Variants in RBFOX2 observed in about 807,000 individuals in gnomAD.
The protein encoded by RBFOX2 is RNA binding fox-1 homolog 2, also known as RNA binding protein fox-1 homolog 2.
In RBFOX2, 10 loss-of-function variants were observed where a neutral mutation model predicts 49.1. The observed-to-expected ratio is 0.20, with a 90% CI of 0.13 to 0.35. The LOEUF is 0.35. Ranked by LOEUF, RBFOX2 falls within the 10% of genes least tolerant of loss-of-function variation. The pLI, the probability that RBFOX2 is intolerant of heterozygous loss-of-function variation, is 1.00. For synonymous variants in RBFOX2, 183 were observed against 187.4 expected (o/e 0.98, Z 0.19); for missense variants, 323 against 486.9 (o/e 0.66, Z 3.17).
At position 35,895,659 on chromosome 22, in the gene RBFOX2, A is replaced by G. The variant is rs1303371556; in HGVS notation, c.-34+43188T>C. ...GTCAAGTGGATCATGAGCTCGTAGC[A>G]TGGTACAGACACTTTACTCACCACG... On this transcript the variant is annotated intron_variant, in intron 1 of 13. Transcript: ENST00000359369. 2.0e-5 allele frequency among the ~76,000 whole-genome samples: 3 copies of G among 152,150 alleles called. No homozygotes were observed. The East Asian group carries it at 5.8e-4, about 29-fold the overall frequency.
chr22:36,012,101 C>T lies in RBFOX2; in HGVS notation c.186+16139G>A, dbSNP rs116017780. Among the ~76,000 whole-genome samples the T allele has an allele frequency of 3.6e-3, 548 of 152,248 alleles. 1 individual carries two copies. The highest frequency in any genetic ancestry group is 0.012 in the African/African-American group (482 of 41,564). ...GAGATGAAAAAAAGCCAAAAAACAA[C>T]GACAAACTATCATGCATACCACAAC... On this transcript the variant is annotated intron_variant, in intron 1 of 13. Coordinates refer to the RBFOX2 transcript ENST00000438146.
intron 9 of RBFOX2, among the ~76,000 whole-genome samples, chr22:35,755,769 A>G (rs1936702009): frequency 6.6e-6 from 1 of 152,104 alleles, no homozygotes; most frequent in African/African-American, 2.4e-5. Context: ...ATAATAAAAG[A>G]CTTTAAACCT....
At chr22:35,769,646 T>C (rs1942093197) in intron 4 of RBFOX2, among the ~76,000 whole-genome samples, 2 of 152,180 alleles carry the variant, frequency 1.3e-5, no homozygotes, top group Admixed American at 1.3e-4. Flanking sequence ...CTAGCGTTTT[T>C]TGAATATTCC....
chr22:35,979,449 GA>G (rs1242258667), intron 1 of RBFOX2, among the ~76,000 whole-genome samples: 1 of 152,146 alleles, frequency 6.6e-6, no homozygotes, highest in African/African-American at 2.4e-5. Flanking sequence ...CTATTTCGGG[GA>G]ATACACATTG....
chr22:35,956,068 G>T (rs2055518719), intron 1 of RBFOX2, among the ~76,000 whole-genome samples: 1 of 152,116 alleles, frequency 6.6e-6, no homozygotes, highest in African/African-American at 2.4e-5. Flanking sequence ...ACTTGGAATA[G>T]ATTTTTTTTG....
At chr22:35,927,219 G>C (rs2088070453) in intron 1 of RBFOX2, among the ~76,000 whole-genome samples, 1 of 152,166 alleles carries the variant, frequency 6.6e-6, no homozygotes, top group Non-Finnish European at 1.5e-5. Context: ...TTAGGATTCT[G>C]CTGGTAAAGG....
intron 1 of RBFOX2, among the ~76,000 whole-genome samples, chr22:35,817,217 A>G (rs1953294611): frequency 6.6e-6 from 1 of 152,092 alleles, no homozygotes; most frequent in Non-Finnish European, 1.5e-5. Context: ...CATGGCTCCC[A>G]AGGTAATTCC....
At chr22:35,807,275 TAA>T (rs1569197188) in intron 2 of RBFOX2, among the ~76,000 whole-genome samples, 2 of 151,936 alleles carry the variant, frequency 1.3e-5, no homozygotes, top group Admixed American at 1.3e-4. Flanking sequence ...CAAGAAATAG[TAA>T]AAGAGACAAA....
At chr22:35,872,669 G>A (rs549321294) in intron 1 of RBFOX2, among the ~76,000 whole-genome samples, 22 of 152,316 alleles carry the variant, frequency 1.4e-4, no homozygotes, top group African/African-American at 4.8e-4. Context: ...GGGTGCTGAC[G>A]TCTGTCGGTG....
intron 1 of RBFOX2, among the ~76,000 whole-genome samples, chr22:35,951,526 T>A (rs1239319933): frequency 6.6e-6 from 1 of 152,180 alleles, no homozygotes; most frequent in African/African-American, 2.4e-5. Flanking sequence ...ATTACAGGCA[T>A]AAGCCACTGC....
intron 1 of RBFOX2, among the ~76,000 whole-genome samples, chr22:36,016,536 AAT>A (rs2059042534): frequency 6.6e-6 from 1 of 152,220 alleles, no homozygotes; most frequent in South Asian, 2.1e-4. Context: ...TAAAATATCC[AAT>A]ACCCAGTGCA....
chr22:35,924,560 T>C (rs1282284087), intron 1 of RBFOX2, among the ~76,000 whole-genome samples: 2 of 152,220 alleles, frequency 1.3e-5, no homozygotes, highest in East Asian at 1.9e-4. Context: ...GCTTCTTAAG[T>C]ATTAATTTTT....
intron 1 of RBFOX2, among the ~76,000 whole-genome samples, chr22:35,873,581 C>T (rs898926486): frequency 5.3e-5 from 8 of 152,208 alleles, no homozygotes; most frequent in Non-Finnish European, 1.0e-4. Context: ...AGTATCAACA[C>T]AGTCTCCCAT....
At chr22:35,935,136 A>G (rs1380901053) in intron 1 of RBFOX2, among the ~76,000 whole-genome samples, 1 of 151,974 alleles carries the variant, frequency 6.6e-6, no homozygotes, top group African/African-American at 2.4e-5. Context: ...AGGTCTTGCT[A>G]TGTTGCCCAG....
chr22:35,787,690 T>G (rs907389025), intron 2 of RBFOX2, among the ~76,000 whole-genome samples: 1 of 152,190 alleles, frequency 6.6e-6, no homozygotes, highest in Non-Finnish European at 1.5e-5. Context: ...AAGTGGACAG[T>G]TAAAATTGAT....
At chr22:35,756,560 T>A (rs1221832640) in intron 9 of RBFOX2, among the ~76,000 whole-genome samples, 1 of 151,928 alleles carries the variant, frequency 6.6e-6, no homozygotes, top group East Asian at 1.9e-4. Context: ...AGGGTAGGGG[T>A]GAAGAGGAGT....
chr22:35,955,762 C>T (rs2055481733), intron 1 of RBFOX2, among the ~76,000 whole-genome samples: 1 of 152,072 alleles, frequency 6.6e-6, no homozygotes, highest in Non-Finnish European at 1.5e-5. Context: ...TGGTTCCTAA[C>T]AGGCCACAAG....
chr22:36,012,737 C>A (rs749019098), intron 1 of RBFOX2, among the ~76,000 whole-genome samples: 1 of 151,978 alleles, frequency 6.6e-6, no homozygotes, highest in Non-Finnish European at 1.5e-5. Flanking sequence ...GCTAATATAT[C>A]TTTTTCAACA....
chr22:36,004,799 A>G (rs2058559772), intron 1 of RBFOX2, among the ~76,000 whole-genome samples: 1 of 152,084 alleles, frequency 6.6e-6, no homozygotes, highest in Non-Finnish European at 1.5e-5. Context: ...TCTGTCTCAA[A>G]AAAAAAAAAG....
Sources: allele counts gnomAD v4.1 joint callset (sites outside exome capture counted in the v4.1 genomes callset), GRCh38; gene constraint gnomAD v4.1.1; transcripts MANE v1.5; gene names NCBI Gene and HGNC (gene_info 2026-07-23, HGNC 2026-07-21).